The following DOCK2 variants were observed in gnomAD, a reference collection of about 807,000 sequenced individuals.
The protein encoded by DOCK2 is dedicator of cytokinesis protein 2.
A neutral mutation model predicts 248.9 loss-of-function variants in DOCK2; 87 were observed. The observed-to-expected ratio is 0.35, with a 90% CI of 0.29 to 0.42. The LOEUF (loss-of-function observed/expected upper bound fraction) is 0.42, where lower values mean the gene tolerates loss of function less well. Among genes scored for constraint, DOCK2 ranks in the 10% least tolerant of loss-of-function variants. The pLI is 1.00. For missense variants in DOCK2, 1,747 were observed against 2,300.2 expected, an observed-to-expected ratio of 0.76 and a Z score of 4.92; for synonymous variants, 805 against 821.6, an observed-to-expected ratio of 0.98 and a Z score of 0.35.
intron 26 of DOCK2, among the ~76,000 whole-genome samples, chr5:169,803,695 G>A (rs1422942800): frequency 6.6e-6 from 1 of 152,172 alleles, no homozygotes; most frequent in Non-Finnish European, 1.5e-5. Context: ...GGAGTAGGAT[G>A]GTGGTAGGGA....
intron 25 of DOCK2, among the ~76,000 whole-genome samples, chr5:169,786,471 G>A (rs1325867370): frequency 2.0e-5 from 3 of 152,118 alleles, no homozygotes; most frequent in South Asian, 2.1e-4. Flanking sequence ...TGATGAAACC[G>A]AGCTGAAATG....
chr5:170,002,236 G>GA lies in DOCK2; in HGVS notation c.3072+6087dup, dbSNP rs11313241. Among the ~76,000 whole-genome samples, 698 of 141,012 alleles carry GA rather than the reference G, an allele frequency of 4.9e-3. 2 individuals are homozygous for GA. Among genetic ancestry groups the GA allele is most frequent in the Non-Finnish European group, 6.8e-3 (441 of 64,544 alleles). The allele number at this position is 141,012 out of a possible 152,430, so 92.5% of individuals were successfully genotyped here. ...CGTTGATTACAGCACTGTTGCTAGC[G>GA]AAAAAAAAAAAAAAATTGGAATCAA... On this transcript the variant is annotated intron_variant, in intron 30 of 51. Coordinates refer to ENST00000520908, the MANE Select transcript of DOCK2 (RefSeq NM_004946.3).
rs1581082786 is a variant in DOCK2 at position 169,714,445 on chromosome 5, G to A, written c.1929G>A (p.Glu643=). The A allele has an allele frequency of 3.7e-6, 6 of 1,614,052 alleles. No homozygotes were observed. The highest frequency in any genetic ancestry group is 5.1e-6 in the Non-Finnish European group (6 of 1,179,956). ...NLEKLKIVDG[E]EVVKFLQDTL... is the part of the protein sequence containing the mutation. The stretch of plus-strand genomic sequence containing the variant: ...AAAAGTTGAAGATTGTGGATGGAGA[G>A]GAAGTGGTGAAGGTCAGTGGGGCTT... The change falls in exon 19 of 52, where the codon GAG becomes GAA. Residue 643 remains glutamate (E), a synonymous_variant. Coordinates refer to ENST00000520908, the MANE Select transcript of DOCK2 (RefSeq NM_004946.3).
chr5:169,800,096 T>C (rs180755479), intron 25 of DOCK2, among the ~76,000 whole-genome samples: 38 of 152,328 alleles, frequency 2.5e-4, no homozygotes, highest in Admixed American at 8.5e-4. Flanking sequence ...TGAGCTACCA[T>C]GCTCAGCCCC....
chr5:170,072,715 G>A (rs1581575721), intron 46 of DOCK2, among the ~76,000 whole-genome samples: 1 of 152,158 alleles, frequency 6.6e-6, no homozygotes, highest in East Asian at 1.9e-4. Flanking sequence ...AGTCCTTCTG[G>A]TGGATGTGTA....
chr5:169,682,328 G>A (rs963884409), intron 7 of DOCK2, among the ~76,000 whole-genome samples: 1 of 152,242 alleles, frequency 6.6e-6, no homozygotes, highest in Non-Finnish European at 1.5e-5. Flanking sequence ...CACCAGGCCT[G>A]GGATGATCTG....
chr5:170,003,226 A>T (rs979699869), intron 30 of DOCK2, among the ~76,000 whole-genome samples: 6 of 152,250 alleles, frequency 3.9e-5, no homozygotes, highest in African/African-American at 1.4e-4. Context: ...TAATTACAAC[A>T]GTCCTTTATG....
At chr5:169,976,600 A>G (rs4867904) in intron 27 of DOCK2, among the ~76,000 whole-genome samples, 36,842 of 152,180 alleles carry the variant, frequency 0.24, 4,988 homozygotes, top group East Asian at 0.41. Context: ...AAAAAAGAAG[A>G]AAATTTAAAG....
At chr5:169,825,965 A>G (rs1171386487) in intron 26 of DOCK2, among the ~76,000 whole-genome samples, 2 of 152,088 alleles carry the variant, frequency 1.3e-5, no homozygotes, top group Non-Finnish European at 2.9e-5. Context: ...AGAAGTTGCC[A>G]GCGTCTTTGT....
At chr5:169,652,500 C>T (rs1299364486) in intron 1 of DOCK2, among the ~76,000 whole-genome samples, 2 of 152,220 alleles carry the variant, frequency 1.3e-5, no homozygotes, top group Non-Finnish European at 1.5e-5. Context: ...ATATGGGGCA[C>T]ACCTGGGAGT....
intron 25 of DOCK2, among the ~76,000 whole-genome samples, 181 bp downstream of exon 25, chr5:169,761,806 C>A (rs1764502250): frequency 6.6e-6 from 1 of 152,170 alleles, no homozygotes; most frequent in Non-Finnish European, 1.5e-5. Context: ...ATATCAGAAT[C>A]TAAATTGATT....
At chr5:169,727,383 T>G (rs571077106) in intron 22 of DOCK2, among the ~76,000 whole-genome samples, 93 of 152,256 alleles carry the variant, frequency 6.1e-4, no homozygotes, top group Non-Finnish European at 1.2e-3. Context: ...GATCTGACAC[T>G]CAAGCTGAGG....
chr5:169,813,341 A>G (rs759958789), intron 26 of DOCK2, among the ~76,000 whole-genome samples: 1 of 152,204 alleles, frequency 6.6e-6, no homozygotes, highest in Non-Finnish European at 1.5e-5. Flanking sequence ...GGTTATTTAC[A>G]TCTATTGTGT....
At chr5:169,795,205 G>C (rs1766572206) in intron 25 of DOCK2, among the ~76,000 whole-genome samples, 1 of 152,024 alleles carries the variant, frequency 6.6e-6, no homozygotes, top group Non-Finnish European at 1.5e-5. Context: ...GCTTGGTTTG[G>C]ACTTTCGATG....
intron 29 of DOCK2, among the ~76,000 whole-genome samples, chr5:169,992,222 A>G (rs979008311): frequency 2.0e-5 from 3 of 152,228 alleles, no homozygotes; most frequent in East Asian, 1.9e-4. Flanking sequence ...AACAAAAGCA[A>G]CAGAGGAAAG....
intron 15 of DOCK2, among the ~76,000 whole-genome samples, 194 bp from the exon 16 acceptor site, chr5:169,711,741 T>G (rs1761597926): frequency 6.6e-6 from 1 of 152,252 alleles, no homozygotes; most frequent in South Asian, 2.1e-4. Context: ...GGATTACATT[T>G]GGTACTTTAT....
intron 26 of DOCK2, among the ~76,000 whole-genome samples, chr5:169,822,848 A>T (rs1308262134): frequency 1.3e-5 from 2 of 152,198 alleles, no homozygotes; most frequent in Non-Finnish European, 1.5e-5. Flanking sequence ...TTTTGAAAAG[A>T]TCAACAAAAT....
At chr5:169,858,563 A>G (rs1771014503) in intron 27 of DOCK2, among the ~76,000 whole-genome samples, 1 of 152,216 alleles carries the variant, frequency 6.6e-6, no homozygotes, top group Non-Finnish European at 1.5e-5. Context: ...CAGGATGTGC[A>G]GGGCTTCGGG....
chr5:169,798,966 G>A (rs747333749), intron 25 of DOCK2, among the ~76,000 whole-genome samples: 1 of 152,172 alleles, frequency 6.6e-6, no homozygotes, highest in African/African-American at 2.4e-5. Flanking sequence ...TAAGCTCAAG[G>A]CAATTGACCA....
Sources: gnomAD v4.1 joint callset for allele counts (sites outside exome capture counted in the v4.1 genomes callset) on GRCh38, gnomAD v4.1.1 for gene constraint, MANE v1.5 for transcripts, NCBI Gene and HGNC (gene_info 2026-07-23, HGNC 2026-07-21) for gene names.